The following UBASH3A variants were observed in gnomAD, a reference collection of about 807,000 sequenced individuals.
UBASH3A encodes the protein ubiquitin associated and SH3 domain containing A.
UBASH3A carries 63 observed loss-of-function variants against 73.5 expected under a neutral mutation model. The observed-to-expected ratio is 0.86, with a 90% CI of 0.70 to 1.06. The LOEUF (loss-of-function observed/expected upper bound fraction) is 1.06. Ranked by LOEUF, UBASH3A falls within the 50% of genes least tolerant of loss-of-function variation. UBASH3A has a pLI of 0.00. For synonymous variants in UBASH3A, 363 were observed against 351.1 expected (o/e 1.03, Z -0.38); for missense variants, 860 against 859.0 (o/e 1.00, Z -0.02).
At chr21:42,434,732 T>C in intron 9 of UBASH3A, 100 bp from the exon 10 acceptor site, 1 of 1,311,060 alleles carries the variant, frequency 7.6e-7, no homozygotes, top group Non-Finnish European at 1.0e-6. Flanking sequence ...ATTTCAATAA[T>C]AACATTGCTG....
intron 3 of UBASH3A, chr21:42,410,546 G>A (rs2053070182): frequency 6.0e-6 from 2 of 332,026 alleles, no homozygotes; most frequent in East Asian, 4.7e-5. Context: ...CGGATTGCCC[G>A]AGACTTGCAG....
At chr21:42,427,883 C>G (rs2053465178) in intron 8 of UBASH3A, among the ~76,000 whole-genome samples, 1 of 152,210 alleles carries the variant, frequency 6.6e-6, no homozygotes, top group South Asian at 2.1e-4. Flanking sequence ...CGCTCACCCT[C>G]TGTTACGGAT....
chr21:42,432,332 T>A (rs1283144328), intron 9 of UBASH3A, 130 bp downstream of exon 9: 5 of 583,884 alleles, frequency 8.6e-6, no homozygotes, highest in Non-Finnish European at 1.5e-5. Flanking sequence ...ATGTGTAGAC[T>A]GTATGTGTGG....
chr21:42,442,177 G>A (rs756357255), intron 11 of UBASH3A, among the ~76,000 whole-genome samples: 1 of 152,194 alleles, frequency 6.6e-6, no homozygotes, highest in Non-Finnish European at 1.5e-5. Flanking sequence ...CCTGCTGCCT[G>A]GGACACTCAC....
chr21:42,444,383 G>C, intron 13 of UBASH3A, 151 bp from the exon 14 acceptor site: 2 of 684,672 alleles, frequency 2.9e-6, no homozygotes, highest in East Asian at 5.0e-5. Flanking sequence ...TCACTGAGCG[G>C]TTACCAGCCA....
At chr21:42,404,385 T>A (rs1601548188) in intron 1 of UBASH3A, among the ~76,000 whole-genome samples, 1 of 86,438 alleles carries the variant, frequency 1.2e-5, no homozygotes. Flanking sequence ...TATTATGAGA[T>A]TTTTTTTTTA....
chr21:42,429,212 G>C (rs2053489309), intron 8 of UBASH3A, among the ~76,000 whole-genome samples: 1 of 152,200 alleles, frequency 6.6e-6, no homozygotes. Flanking sequence ...ATGTCAGAGG[G>C]AGCATGGCCC....
intron 2 of UBASH3A, among the ~76,000 whole-genome samples, chr21:42,407,846 T>G (rs1475901093): frequency 6.6e-6 from 1 of 152,212 alleles, no homozygotes; most frequent in Non-Finnish European, 1.5e-5. Context: ...ATAAAATAAT[T>G]TAGATGTTCA....
At chr21:42,417,613 T>C (rs1257929219) in intron 6 of UBASH3A, 1 of 152,128 alleles carries the variant, frequency 6.6e-6, no homozygotes, top group Non-Finnish European at 1.5e-5. Context: ...TAAAGAATGA[T>C]TTGAGTGAAA....
intron 2 of UBASH3A, among the ~76,000 whole-genome samples, chr21:42,406,895 T>C (rs912042736): frequency 6.6e-6 from 1 of 152,170 alleles, no homozygotes; most frequent in African/African-American, 2.4e-5. Context: ...GGAGGATGTT[T>C]GTGTTTATTG....
intron 8 of UBASH3A, among the ~76,000 whole-genome samples, chr21:42,427,807 A>G (rs116629269): frequency 1.3e-3 from 196 of 152,272 alleles, no homozygotes; most frequent in Middle Eastern, 6.8e-3. Flanking sequence ...TGCCTGGTCC[A>G]TAAATCTCCA....
rs567350102 is a variant in UBASH3A at position 42,426,874 on chromosome 21, G to A, written c.1170+54G>A. The A allele has an allele frequency of 3.8e-6, 6 of 1,591,940 alleles. No homozygotes were observed. In the East Asian group the frequency reaches 1.1e-4, roughly 30 times the overall value. On this transcript the variant is annotated intron_variant, in intron 8 of 14. Coordinates refer to ENST00000319294, the MANE Select transcript of UBASH3A (RefSeq NM_018961.4). ...AGTAAACTAAGCAAAACTACACTTT[G>A]TATTAACTTCACGGTGGACACAGCT... is the stretch of plus-strand genomic sequence containing the variant.
chr21:42,426,934 T>C, intron 8 of UBASH3A, 114 bp downstream of exon 8: 1 of 1,358,062 alleles, frequency 7.4e-7, no homozygotes, highest in Admixed American at 2.1e-5. Context: ...AGACACATCC[T>C]CCCTGCCCTA....
intron 8 of UBASH3A, 128 bp downstream of exon 8, chr21:42,426,948 C>A (rs779834401): frequency 2.4e-6 from 3 of 1,246,890 alleles, no homozygotes; most frequent in South Asian, 1.4e-5. Flanking sequence ...TGCCCTAGAG[C>A]GTGGTCAGCA....
chr21:42,444,899 C>T (rs1331706900), intron 14 of UBASH3A, among the ~76,000 whole-genome samples: 1 of 152,160 alleles, frequency 6.6e-6, no homozygotes, highest in Admixed American at 6.5e-5. Context: ...GCCATGACCC[C>T]TTGCAGCTCT....
chr21:42,409,296 T>C, intron 2 of UBASH3A, 126 bp from the exon 3 acceptor site: 10 of 945,342 alleles, frequency 1.1e-5, no homozygotes, highest in Non-Finnish European at 1.6e-5. Flanking sequence ...GTCATGAGCA[T>C]ATATGATGTC....
intron 2 of UBASH3A, among the ~76,000 whole-genome samples, chr21:42,408,496 G>A (rs778796306): frequency 6.6e-5 from 10 of 152,210 alleles, no homozygotes; most frequent in African/African-American, 9.7e-5. Context: ...TTAATGCAAA[G>A]AGTGTGGGCA....
intron 5 of UBASH3A, 38 bp from the exon 6 acceptor site, chr21:42,416,404 G>T: frequency 6.6e-7 from 1 of 1,513,616 alleles, no homozygotes; most frequent in East Asian, 2.5e-5. Flanking sequence ...TTTAGGTAAC[G>T]GTGTCCTGGC....
In UBASH3A at chr21:42,443,295, C is replaced by G. The variant is rs374122302; in HGVS notation, c.1632-17C>G. 42 of 1,608,148 alleles carry G rather than the reference C, an allele frequency of 2.6e-5. No individual in the cohort carries two copies. Among genetic ancestry groups the G allele is most frequent in the Non-Finnish European group, 3.4e-5 (40 of 1,176,808 alleles). The stretch of plus-strand genomic sequence containing the variant: ...CGAAAGTGCCAGGGCAGCAGCCTCT[C>G]CTTCTCATCCTTCCAGGCCCGCGTT... On this transcript the variant is annotated splice_polypyrimidine_tract_variant and intron_variant, in intron 12 of 14. Transcript: ENST00000319294.
Sources: gnomAD v4.1 joint callset for allele counts (sites outside exome capture counted in the v4.1 genomes callset) on GRCh38, gnomAD v4.1.1 for gene constraint, MANE v1.5 for transcripts, NCBI Gene and HGNC (gene_info 2026-07-23, HGNC 2026-07-21) for gene names.